The following CLPB variants were observed in gnomAD, a reference collection of about 807,000 sequenced individuals.
The protein encoded by CLPB is mitochondrial disaggregase.
CLPB carries 40 observed loss-of-function variants against 78.4 expected under a neutral mutation model. That is an observed-to-expected ratio of 0.51 (90% CI 0.40 to 0.66). The LOEUF is 0.66. Among genes scored for constraint, CLPB ranks in the 30% least tolerant of loss-of-function variants. CLPB has a pLI of 0.00. For synonymous variants in CLPB, 333 were observed against 348.0 expected, an observed-to-expected ratio of 0.96 and a Z score of 0.48; for missense variants, 780 against 886.9, an observed-to-expected ratio of 0.88 and a Z score of 1.53.
chr11:72,362,604 C>A (rs928452100), intron 4 of CLPB, among the ~76,000 whole-genome samples: 1 of 152,166 alleles, frequency 6.6e-6, no homozygotes, highest in African/African-American at 2.4e-5. Context: ...TAATCTTGGG[C>A]AATTTACCTA....
chr11:72,407,790 G>A (rs1400881531), intron 2 of CLPB, among the ~76,000 whole-genome samples: 2 of 152,122 alleles, frequency 1.3e-5, no homozygotes, highest in African/African-American at 4.8e-5. Flanking sequence ...GGGCCTACAG[G>A]TGCCTGCCAC....
rs1408192274 is a variant in CLPB at position 72,370,477 on chromosome 11, T to C, written c.646+9804A>G. Reference sequence around the variant, plus strand: ...AAATGACATGTAGAAACATTGGCCATGGAGTGTGACAAGGCTCTGAGTGAG... The same window carrying C: ...AAATGACATGTAGAAACATTGGCCACGGAGTGTGACAAGGCTCTGAGTGAG... On this transcript the variant is annotated intron_variant, in intron 4 of 15. Coordinates refer to ENST00000538039, the MANE Select transcript of CLPB (RefSeq NM_001258392.3). Among the ~76,000 whole-genome samples, 38 of 152,154 alleles carry C rather than the reference T, an allele frequency of 2.5e-4. 2 individuals carry two copies. The highest frequency in any genetic ancestry group is 2.4e-3 in the Admixed American group (36 of 15,270).
chr11:72,379,757 G>A (rs1181171003), intron 4 of CLPB, among the ~76,000 whole-genome samples: 2 of 152,178 alleles, frequency 1.3e-5, no homozygotes, highest in Admixed American at 6.5e-5. Context: ...CAGTCCCAGA[G>A]ACAGGACTGC....
intron 2 of CLPB, chr11:72,410,784 G>A (rs1855852974): frequency 6.6e-6 from 1 of 152,324 alleles, no homozygotes; most frequent in East Asian, 1.9e-4. Flanking sequence ...AGTGATCCTG[G>A]AGAGTCCAGC....
intron 5 of CLPB, among the ~76,000 whole-genome samples, chr11:72,356,481 A>AT (rs1950717887): frequency 6.6e-6 from 1 of 150,548 alleles, no homozygotes; most frequent in African/African-American, 2.5e-5. Context: ...TCAAGGGGGA[A>AT]GGGAGGTCAG....
chr11:72,427,454 G>A (rs557285605), intron 2 of CLPB, among the ~76,000 whole-genome samples: 16 of 152,156 alleles, frequency 1.1e-4, no homozygotes, highest in African/African-American at 3.6e-4. Flanking sequence ...ACAATGATGT[G>A]TTTGTTAACG....
chr11:72,409,521 T>C (rs1044500631), intron 2 of CLPB, among the ~76,000 whole-genome samples: 2 of 151,498 alleles, frequency 1.3e-5, no homozygotes, highest in Admixed American at 1.3e-4. Context: ...GAGACAGAGG[T>C]TGCAGAGAGC....
At chr11:72,422,111 C>T (rs1031914962) in intron 2 of CLPB, among the ~76,000 whole-genome samples, 6 of 150,292 alleles carry the variant, frequency 4.0e-5, no homozygotes, top group Admixed American at 4.0e-4. Context: ...ACTAAAAATA[C>T]AAAAAATTGG....
intron 7 of CLPB, among the ~76,000 whole-genome samples, chr11:72,313,459 G>C (rs1031518615): frequency 2.6e-5 from 4 of 152,232 alleles, no homozygotes; most frequent in African/African-American, 9.7e-5. Flanking sequence ...TTGTGCGTGA[G>C]CTCAGGCTTC....
chr11:72,392,145 T>C (rs1016209210), intron 3 of CLPB, among the ~76,000 whole-genome samples: 1 of 152,006 alleles, frequency 6.6e-6, no homozygotes, highest in African/African-American at 2.4e-5. Flanking sequence ...CTCCAGGTCA[T>C]CCCTACACAA....
At chr11:72,377,746 C>T (rs969367505) in intron 4 of CLPB, among the ~76,000 whole-genome samples, 10 of 151,400 alleles carry the variant, frequency 6.6e-5, no homozygotes, top group African/African-American at 2.2e-4. Flanking sequence ...ATTATGTAAC[C>T]TTGAACTAGG....
intron 3 of CLPB, among the ~76,000 whole-genome samples, chr11:72,383,768 C>T (rs771782657): frequency 6.6e-6 from 1 of 152,076 alleles, no homozygotes; most frequent in Non-Finnish European, 1.5e-5. Context: ...AAGATAAAGA[C>T]TTTCCCAGAG....
chr11:72,313,251 C>A (rs1949879490), intron 7 of CLPB, among the ~76,000 whole-genome samples: 1 of 152,172 alleles, frequency 6.6e-6, no homozygotes, highest in African/African-American at 2.4e-5. Context: ...TGCCTGACAA[C>A]TGCTTGTAGG....
At chr11:72,311,056 GA>G (rs1401382605) in intron 7 of CLPB, 1 of 152,192 alleles carries the variant, frequency 6.6e-6, no homozygotes, top group Non-Finnish European at 1.5e-5. Context: ...GGTCCCCTGT[GA>G]AACAGGTGAA....
chr11:72,392,424 A>G (rs1855281024), intron 3 of CLPB, among the ~76,000 whole-genome samples: 1 of 152,182 alleles, frequency 6.6e-6, no homozygotes, highest in South Asian at 2.1e-4. Flanking sequence ...AGGCACTAGC[A>G]TTTGTTAAAT....
chr11:72,358,773 A>G lies in CLPB; in HGVS notation c.775+107T>C, dbSNP rs1181618693. 5 of 865,780 alleles carry G rather than the reference A, an allele frequency of 5.8e-6. No homozygotes were observed. In the East Asian group the frequency reaches 1.4e-4, roughly 24 times the overall value. The allele number at this position is 865,780 out of a possible 1,614,324, so 53.6% of individuals were successfully genotyped here. On this transcript the variant is annotated intron_variant, in intron 5 of 15. Transcript: ENST00000538039. ...TTATTTCCAGAATAGTGAGGCTGCC[A>G]AGTACTCTCTCCCCCTGCCAAGCCC... is the stretch of plus-strand genomic sequence containing the variant.
At chr11:72,306,485 C>T (rs759196139) in intron 9 of CLPB, among the ~76,000 whole-genome samples, 4 of 152,148 alleles carry the variant, frequency 2.6e-5, no homozygotes, top group East Asian at 1.9e-4. Flanking sequence ...GCACTCTCTC[C>T]GAGGACTGCT....
chr11:72,333,030 G>A (rs1429907796), intron 5 of CLPB: 1 of 152,210 alleles, frequency 6.6e-6, no homozygotes, highest in Non-Finnish European at 1.5e-5. Context: ...GCCAGGCACT[G>A]TGCTCGGTAC....
At chr11:72,372,941 T>C (rs145036787) in intron 4 of CLPB, 1 of 1,613,838 alleles carries the variant, frequency 6.2e-7, no homozygotes, top group Non-Finnish European at 8.5e-7. Flanking sequence ...CGGGGAGTCC[T>C]AGCCATCTCC....
Sources: allele counts gnomAD v4.1 joint callset (sites outside exome capture counted in the v4.1 genomes callset), GRCh38; gene constraint gnomAD v4.1.1; transcripts MANE v1.5; gene names NCBI Gene and HGNC (gene_info 2026-07-23, HGNC 2026-07-21).